PRSS23: variants seen among roughly 807,000 people sequenced by gnomAD.
PRSS23 encodes serine protease 23, also known as protease, serine 23.
Under a neutral mutation model 34.7 loss-of-function variants are expected in PRSS23, and 25 were observed. The ratio of observed to expected loss-of-function variants is 0.72; its 90% CI spans 0.53 to 1.01. PRSS23 has a LOEUF of 1.01. PRSS23 is among the 50% of genes least tolerant of loss of function. The pLI is 0.00. For synonymous variants in PRSS23, 176 were observed against 186.6 expected (o/e 0.94, Z 0.46); for missense variants, 445 against 475.6 (o/e 0.94, Z 0.60).
intron 2 of PRSS23, among the ~76,000 whole-genome samples, chr11:86,891,675 C>A (rs1202668564): frequency 1.3e-5 from 2 of 152,156 alleles, no homozygotes; most frequent in African/African-American, 4.8e-5. Flanking sequence ...TTTCCTGTGT[C>A]CCCATCCAAA....
chr11:86,948,955 G>A (rs947681297), intron 2 of PRSS23: 1 of 152,642 alleles, frequency 6.6e-6, no homozygotes, highest in Admixed American at 6.5e-5. Context: ...CTCTGCCCCT[G>A]GGTGCGTGCT....
chr11:86,887,526 C>T (rs997772989), intron 2 of PRSS23, among the ~76,000 whole-genome samples: 1 of 152,052 alleles, frequency 6.6e-6, no homozygotes, highest in African/African-American at 2.4e-5. Flanking sequence ...GCAAATATTC[C>T]CTGTGAGCAC....
At chr11:86,920,182 T>C (rs1441337908) in intron 2 of PRSS23, among the ~76,000 whole-genome samples, 1 of 152,206 alleles carries the variant, frequency 6.6e-6, no homozygotes, top group Non-Finnish European at 1.5e-5. Flanking sequence ...CTCCTACGAA[T>C]TTGTAAAATT....
rs149825396 is a variant in PRSS23 at position 86,842,271 on chromosome 11, T to C, written c.206+18678T>C. Among the ~76,000 whole-genome samples, 136 of 152,330 alleles carry C rather than the reference T, an allele frequency of 8.9e-4. 3 individuals are homozygous for C. The East Asian group carries it at 0.024, about 27-fold the overall frequency. On this transcript the variant is annotated intron_variant, in intron 2 of 2. Transcript: ENST00000533902. ...AAACTCTATATAAACTAGGTATTGATGGAACGTATCTCAAAATAATAAGAG... is the reference window on the plus strand; with the variant it reads ...AAACTCTATATAAACTAGGTATTGACGGAACGTATCTCAAAATAATAAGAG...
chr11:86,848,526 A>T (rs1948504882), intron 2 of PRSS23, among the ~76,000 whole-genome samples: 2 of 152,170 alleles, frequency 1.3e-5, no homozygotes, highest in South Asian at 4.1e-4. Context: ...ATCCACCATT[A>T]CCCAGGGAAA....
At chr11:86,835,333 A>C (rs59841049) in intron 2 of PRSS23, among the ~76,000 whole-genome samples, 1,784 of 152,294 alleles carry the variant, frequency 0.012, 31 homozygotes, top group African/African-American at 0.041. Flanking sequence ...CGCTACATCA[A>C]TTTCCTTACT....
intron 2 of PRSS23, among the ~76,000 whole-genome samples, chr11:86,945,075 T>G (rs894159660): frequency 1.3e-5 from 2 of 152,176 alleles, no homozygotes; most frequent in Non-Finnish European, 2.9e-5. Flanking sequence ...TGAATTTGCT[T>G]TGTCCGATGA....
At chr11:86,799,812 G>T (rs1948008429), upstream of PRSS23, among the ~76,000 whole-genome samples, 2 of 152,138 alleles carry the variant, frequency 1.3e-5, no homozygotes, top group African/African-American at 4.8e-5. Context: ...ACTGAGGCCA[G>T]TGGGCTCCCC....
intron 2 of PRSS23, among the ~76,000 whole-genome samples, chr11:86,900,779 C>CTT: frequency 1.4e-5 from 1 of 71,108 alleles, no homozygotes; most frequent in African/African-American, 7.3e-5. Flanking sequence ...TTATCTCTCT[C>CTT]TCTTTTTTTT....
intron 2 of PRSS23, among the ~76,000 whole-genome samples, chr11:86,929,074 C>T (rs1467043050): frequency 6.6e-6 from 1 of 152,048 alleles, no homozygotes; most frequent in Non-Finnish European, 1.5e-5. Context: ...GTAATCCTAG[C>T]ACTTTGGGAG....
intron 2 of PRSS23, among the ~76,000 whole-genome samples, chr11:86,923,367 C>T (rs1949059446): frequency 6.6e-6 from 1 of 152,102 alleles, no homozygotes; most frequent in African/African-American, 2.4e-5. Context: ...GATCCTCCCA[C>T]CTAAGCCTCC....
At chr11:86,801,503 G>A (rs1167019178) in intron 1 of PRSS23, among the ~76,000 whole-genome samples, 2 of 152,108 alleles carry the variant, frequency 1.3e-5, no homozygotes, top group African/African-American at 4.8e-5. Flanking sequence ...ATTGGAATAG[G>A]GCTTGCTTCT....
At chr11:86,928,076 G>A (rs1949093551) in intron 2 of PRSS23, among the ~76,000 whole-genome samples, 1 of 150,696 alleles carries the variant, frequency 6.6e-6, no homozygotes, top group African/African-American at 2.4e-5. Flanking sequence ...ATAGATGTAT[G>A]TATGTATATG....
chr11:86,907,024 T>G (rs936461675), intron 2 of PRSS23, among the ~76,000 whole-genome samples: 1 of 152,196 alleles, frequency 6.6e-6, no homozygotes, highest in Non-Finnish European at 1.5e-5. Context: ...TACTTTAAGA[T>G]GCTTAAAAGG....
chr11:86,861,693 G>A (rs1225391808), intron 2 of PRSS23, among the ~76,000 whole-genome samples: 4 of 151,376 alleles, frequency 2.6e-5, no homozygotes, highest in Non-Finnish European at 5.9e-5. Context: ...ACCCAAGGGG[G>A]GTAGAGGTTG....
At chr11:86,831,034 G>A (rs546924223) in intron 2 of PRSS23, among the ~76,000 whole-genome samples, 2 of 152,082 alleles carry the variant, frequency 1.3e-5, no homozygotes, top group South Asian at 2.1e-4. Context: ...TATCCTAGGG[G>A]GATGTTTCTC....
intron 2 of PRSS23, among the ~76,000 whole-genome samples, chr11:86,887,749 T>A (rs1428837673): frequency 6.6e-6 from 1 of 152,010 alleles, no homozygotes; most frequent in Admixed American, 6.6e-5. Context: ...ACTGAACAAC[T>A]AAATAATATT....
chr11:86,840,083 C>T (rs1369865714), intron 2 of PRSS23, among the ~76,000 whole-genome samples: 1 of 151,956 alleles, frequency 6.6e-6, no homozygotes, highest in Non-Finnish European at 1.5e-5. Context: ...ATGACAGGAT[C>T]AAATTCAAAC....
chr11:86,869,101 G>A (rs1255191142), intron 2 of PRSS23, among the ~76,000 whole-genome samples: 1 of 152,090 alleles, frequency 6.6e-6, no homozygotes, highest in East Asian at 1.9e-4. Context: ...GCCAATTTTG[G>A]ATAAGTTTTT....
Sources: allele counts gnomAD v4.1 joint callset (sites outside exome capture counted in the v4.1 genomes callset), GRCh38; gene constraint gnomAD v4.1.1; transcripts MANE v1.5; gene names NCBI Gene and HGNC (gene_info 2026-07-23, HGNC 2026-07-21).